Variants in PCDH15 observed in about 807,000 individuals in gnomAD.
PCDH15 encodes the protein protocadherin-15.
A neutral mutation model predicts 178.5 loss-of-function variants in PCDH15; 129 were observed. The observed-to-expected ratio is 0.72, with a 90% confidence interval of 0.63 to 0.84. The LOEUF (loss-of-function observed/expected upper bound fraction) is 0.84. Among genes scored for constraint, PCDH15 ranks in the 40% least tolerant of loss-of-function variants. The pLI is 0.00. For missense variants in PCDH15, 2,230 were observed against 2,099.9 expected (o/e 1.06, Z -1.21); for synonymous variants, 800 against 732.0 (o/e 1.09, Z -1.50).
At chr10:55,615,861 G>A (rs369483790) in intron 2 of PCDH15, among the ~76,000 whole-genome samples, 2 of 152,160 alleles carry the variant, frequency 1.3e-5, no homozygotes, top group Non-Finnish European at 2.9e-5. Flanking sequence ...TCATTCCATC[G>A]CTGCAGCCTG....
intron 1 of PCDH15, among the ~76,000 whole-genome samples, chr10:55,257,458 G>T (rs1239810914): frequency 3.3e-5 from 5 of 152,006 alleles, no homozygotes; most frequent in Non-Finnish European, 7.4e-5. Context: ...CCATGGCAAA[G>T]AAGTTAAAAA....
chr10:55,442,648 A>G (rs1839223601), intron 2 of PCDH15, among the ~76,000 whole-genome samples: 1 of 151,112 alleles, frequency 6.6e-6, no homozygotes, highest in East Asian at 1.9e-4. Flanking sequence ...TAATTAATTA[A>G]GCCAAAAAAA....
At chr10:54,059,016 A>G (rs1565150164) in intron 18 of PCDH15, among the ~76,000 whole-genome samples, 1 of 152,058 alleles carries the variant, frequency 6.6e-6, no homozygotes, top group Non-Finnish European at 1.5e-5. Flanking sequence ...TTCTAACAGT[A>G]TGTTTGTAAC....
chr10:55,435,091 T>C (rs1839007880), intron 2 of PCDH15, among the ~76,000 whole-genome samples: 1 of 152,142 alleles, frequency 6.6e-6, no homozygotes, highest in African/African-American at 2.4e-5. Flanking sequence ...AAATGTGTGA[T>C]TTAAGAAATC....
chr10:55,401,593 A>ACT (rs1345134863), intron 2 of PCDH15, among the ~76,000 whole-genome samples: 7 of 73,690 alleles, frequency 9.5e-5, no homozygotes, highest in African/African-American at 1.7e-4. Context: ...AATTTGCCTT[A>ACT]CTGTGTGTGT....
chr10:53,981,124 GAT>G lies in PCDH15; in HGVS notation c.2868+14523_2868+14524del, dbSNP rs201227089. Reference sequence around the variant, plus strand: ...CATTAGATTTTTAAAATAAAAATGTGATATAATTCTACAGAGTAATAAGGCGA... The same window carrying G: ...CATTAGATTTTTAAAATAAAAATGTGATAATTCTACAGAGTAATAAGGCGA... On this transcript the variant is annotated intron_variant, in intron 21 of 37. Coordinates refer to ENST00000644397, the MANE Select transcript of PCDH15 (RefSeq NM_001384140.1). 7.4e-3 allele frequency among the ~76,000 whole-genome samples: 1,119 copies of G among 152,192 alleles called. 13 individuals are homozygous for G. The highest frequency in any genetic ancestry group is 0.023 in the African/African-American group (945 of 41,536).
At chr10:54,891,328 C>A (rs1954457816) in intron 3 of PCDH15, among the ~76,000 whole-genome samples, 1 of 152,038 alleles carries the variant, frequency 6.6e-6, no homozygotes, top group Admixed American at 6.6e-5. Flanking sequence ...GCCTTGTGAG[C>A]AAGGCCACTG....
intron 3 of PCDH15, among the ~76,000 whole-genome samples, chr10:54,468,286 G>A (rs2077663292): frequency 6.6e-6 from 1 of 151,554 alleles, no homozygotes; most frequent in South Asian, 2.1e-4. Context: ...TTTTAATGTA[G>A]GCGTTTATTG....
At chr10:55,561,058 G>A (rs1413119108) in intron 2 of PCDH15, among the ~76,000 whole-genome samples, 3 of 151,732 alleles carry the variant, frequency 2.0e-5, no homozygotes, top group African/African-American at 4.8e-5. Context: ...ATGTTCTGGA[G>A]ACAAAAGAGA....
chr10:55,160,791 TC>T (rs973621944), intron 2 of PCDH15, among the ~76,000 whole-genome samples: 60 of 152,128 alleles, frequency 3.9e-4, no homozygotes, highest in African/African-American at 1.4e-3. Flanking sequence ...CAATACTTTC[TC>T]ATAATTTTCT....
chr10:53,922,288 T>C (rs1317568021), intron 25 of PCDH15, among the ~76,000 whole-genome samples: 2 of 150,782 alleles, frequency 1.3e-5, no homozygotes, highest in Non-Finnish European at 2.9e-5. Flanking sequence ...TTCGAACATA[T>C]CACAGCTAGC....
At chr10:55,454,674 A>C (rs1008851488) in intron 2 of PCDH15, among the ~76,000 whole-genome samples, 9 of 150,584 alleles carry the variant, frequency 6.0e-5, no homozygotes, top group Non-Finnish European at 1.2e-4. Flanking sequence ...AGTCCCAGCT[A>C]CCCAGGAGGC....
At chr10:54,358,643 C>A (rs1433576021) in intron 5 of PCDH15, among the ~76,000 whole-genome samples, 1 of 151,976 alleles carries the variant, frequency 6.6e-6, no homozygotes, top group Non-Finnish European at 1.5e-5. Flanking sequence ...CCATTTGACC[C>A]AGCCATCCCA....
At chr10:55,161,620 T>A (rs1329498755) in intron 2 of PCDH15, among the ~76,000 whole-genome samples, 8 of 152,164 alleles carry the variant, frequency 5.3e-5, no homozygotes, top group Admixed American at 2.0e-4. Context: ...TATAAAACAA[T>A]GTTAGAAAAA....
chr10:54,842,991 T>C (rs1251171547), intron 3 of PCDH15, among the ~76,000 whole-genome samples: 1 of 151,944 alleles, frequency 6.6e-6, no homozygotes, highest in Non-Finnish European at 1.5e-5. Context: ...AGAACAAAGA[T>C]ATCAGAGCTG....
At chr10:53,816,893 C>CTTCT (rs2076078515) in intron 34 of PCDH15, among the ~76,000 whole-genome samples, 1 of 152,046 alleles carries the variant, frequency 6.6e-6, no homozygotes, top group South Asian at 2.1e-4. Context: ...CTGCCTCTTC[C>CTTCT]TTCTTTCACT....
chr10:54,015,790 T>C (rs573574989), intron 20 of PCDH15, among the ~76,000 whole-genome samples: 3 of 152,034 alleles, frequency 2.0e-5, no homozygotes, highest in South Asian at 2.1e-4. Flanking sequence ...CCTAAAACTA[T>C]AAAAACACAA....
intron 18 of PCDH15, among the ~76,000 whole-genome samples, chr10:54,061,608 C>G (rs1029733786): frequency 2.0e-5 from 3 of 151,920 alleles, no homozygotes; most frequent in Admixed American, 1.3e-4. Flanking sequence ...TGAACCCTAA[C>G]CTGGCCACCT....
At chr10:55,322,039 C>A (rs1242223450), upstream of PCDH15, among the ~76,000 whole-genome samples, 2 of 152,172 alleles carry the variant, frequency 1.3e-5, no homozygotes. Context: ...GAGTCCCCAC[C>A]CAAGTCTCAC....
Sources: gnomAD v4.1 joint callset for allele counts (sites outside exome capture counted in the v4.1 genomes callset) on GRCh38, gnomAD v4.1.1 for gene constraint, MANE v1.5 for transcripts, NCBI Gene and HGNC (gene_info 2026-07-23, HGNC 2026-07-21) for gene names.